Variants in CPO observed in about 807,000 individuals in gnomAD.
The protein encoded by CPO is metallocarboxypeptidase C.
Under a neutral mutation model 41.2 loss-of-function variants are expected in CPO, and 43 were observed. That is an observed-to-expected ratio of 1.04 (90% CI 0.82 to 1.35). The LOEUF is 1.35. Ranked by LOEUF, CPO falls within the 40% of genes most tolerant of loss-of-function variation. The pLI, the probability that CPO is intolerant of heterozygous loss-of-function variation, is 0.00. For synonymous variants in CPO, 178 were observed against 162.7 expected (o/e 1.09, Z -0.72); for missense variants, 408 against 451.7 (o/e 0.90, Z 0.88).
intron 4 of CPO, 89 bp downstream of exon 4, chr2:206,958,494 CAT>C (rs1693415618): frequency 1.5e-6 from 1 of 680,644 alleles, no homozygotes. Flanking sequence ...GCTTCTTTCA[CAT>C]GTTAGTGATG....
At chr2:206,947,820 T>C (rs1693174399) in intron 1 of CPO, among the ~76,000 whole-genome samples, 1 of 152,116 alleles carries the variant, frequency 6.6e-6, no homozygotes, top group Non-Finnish European at 1.5e-5. Flanking sequence ...CATATGTCAC[T>C]AGGGAATCAC....
chr2:206,958,345 C>T lies in CPO; in HGVS notation c.312C>T (p.Asp104=). ...SGNPKKIIWM[D]CGIHAREWIA... Reference sequence around the variant, plus strand: ...ATCCCAAGAAAATCATTTGGATGGACTGTGGAATTCACGCCAGAGAATGGA... The same window carrying T: ...ATCCCAAGAAAATCATTTGGATGGATTGTGGAATTCACGCCAGAGAATGGA... The change falls in exon 4 of 9, where the codon GAC becomes GAT. Residue 104 remains aspartate (D), a synonymous_variant. Coordinates refer to ENST00000272852, the MANE Select transcript of CPO (RefSeq NM_173077.3). 6.2e-7 allele frequency: 1 copy of T among 1,601,900 alleles called. No homozygotes were observed. Among genetic ancestry groups the T allele is most frequent in the South Asian group, 1.1e-5 (1 of 88,636 alleles).
At chr2:206,943,667 AGATAGAT>A (rs1326646972) in intron 1 of CPO, among the ~76,000 whole-genome samples, 1 of 124,712 alleles carries the variant, frequency 8.0e-6, no homozygotes, top group Non-Finnish European at 1.8e-5. Context: ...AAATGAAGAT[AGATAGAT>A]GATAGATAGA....
At chr2:206,947,665 G>A (rs562204522) in intron 1 of CPO, among the ~76,000 whole-genome samples, 1 of 152,222 alleles carries the variant, frequency 6.6e-6, no homozygotes, top group African/African-American at 2.4e-5. Flanking sequence ...ATAAAGGACT[G>A]TTATCCAAAA....
intron 7 of CPO, among the ~76,000 whole-genome samples, chr2:206,967,613 T>TAGAGGCTGAGGAATGTAGGG (rs1373841762): frequency 6.6e-6 from 1 of 151,976 alleles, no homozygotes; most frequent in Non-Finnish European, 1.5e-5. Context: ...TGAGGAAAGA[T>TAGAGGCTGAGGAATGTAGGG]AGAGGCTGAG....
At chr2:206,965,581 A>T (rs1693557523) in intron 7 of CPO, among the ~76,000 whole-genome samples, 1 of 152,138 alleles carries the variant, frequency 6.6e-6, no homozygotes, top group Non-Finnish European at 1.5e-5. Context: ...TTACATGCTT[A>T]CATTCTTTCC....
intron 7 of CPO, among the ~76,000 whole-genome samples, chr2:206,967,352 G>GCTCT (rs1693598295): frequency 8.4e-6 from 1 of 118,438 alleles, no homozygotes; most frequent in African/African-American, 3.4e-5. Flanking sequence ...TATATATATA[G>GCTCT]ATATATAGAT....
chr2:206,950,931 GGGGT>G (rs1223178582), intron 2 of CPO, among the ~76,000 whole-genome samples: 3 of 151,930 alleles, frequency 2.0e-5, no homozygotes, highest in African/African-American at 7.3e-5. Flanking sequence ...AGTTGTGGGT[GGGGT>G]GGGGGCCTGG....
intron 3 of CPO, among the ~76,000 whole-genome samples, chr2:206,957,375 C>CAA (rs201057516): frequency 9.8e-6 from 1 of 101,542 alleles, no homozygotes; most frequent in African/African-American, 4.2e-5. Context: ...GACTCTGTCT[C>CAA]AAAAAAAAAA....
At chr2:206,943,690 AGATAGATAGATAGATAGATAGATAGATG>A (rs1559068270) in intron 1 of CPO, among the ~76,000 whole-genome samples, 1 of 103,986 alleles carries the variant, frequency 9.6e-6, no homozygotes, top group African/African-American at 3.7e-5. Context: ...ATAGATAGAT[AGATAGATAGATAGATAGATAGATAGATG>A]ATGGATAGAT....
chr2:206,962,524 T>G lies in CPO; in HGVS notation c.687T>G (p.Ile229Met), dbSNP rs1400482454. ...TCATAGAGAGCAAGAAGGATGATAT[T>G]TTGTGCTTCCTGACCATGCACTCTT... is the stretch of plus-strand genomic sequence containing the variant. ...ASFIESKKDD[I>M]LCFLTMHSYG... The change falls in exon 7 of 9, where the codon ATT (isoleucine) becomes ATG (methionine). Residue 229 changes from isoleucine (I) to methionine (M), a missense_variant. Ile to Met is a conservative substitution (Grantham distance 10). Transcript: ENST00000272852. 5 of 1,614,052 alleles carry G rather than the reference T, an allele frequency of 3.1e-6. No homozygotes were observed. In the South Asian group the frequency reaches 4.4e-5, roughly 14 times the overall value.
At chr2:206,949,523 C>T in intron 1 of CPO, 94 bp from the exon 2 acceptor site, 1 of 837,522 alleles carries the variant, frequency 1.2e-6, no homozygotes, top group Non-Finnish European at 2.0e-6. Context: ...AAGTCCTGTG[C>T]ACACTGATTC....
rs777625146 is a variant in CPO, at chr2:206,969,312, T to C, written c.1001T>C (p.Met334Thr). 29 of 1,614,078 alleles carry C rather than the reference T, an allele frequency of 1.8e-5. No individual in the cohort carries two copies. In the South Asian group the frequency reaches 2.9e-4, roughly 16 times the overall value. ...AQIQPTCEETMEAVLSVLDDV... is the reference protein window; with the variant it reads ...AQIQPTCEETTEAVLSVLDDV... The stretch of plus-strand genomic sequence containing the variant: ...ATCCAGCCCACCTGTGAGGAGACCA[T>C]GGAGGCTGTGCTGTCAGTCCTGGAT... The change falls in exon 9 of 9, where the codon ATG (methionine) becomes ACG (threonine). Residue 334 changes from methionine (M) to threonine (T), a missense_variant. Transcript: ENST00000272852.
chr2:206,943,602 C>T, intron 1 of CPO, among the ~76,000 whole-genome samples: 1 of 63,072 alleles, frequency 1.6e-5, no homozygotes, highest in South Asian at 3.5e-4. Flanking sequence ...ACAAAGTCTT[C>T]AGGAAAAAAA....
At chr2:206,953,293 CA>C (rs1294701551) in intron 2 of CPO, among the ~76,000 whole-genome samples, 1 of 152,100 alleles carries the variant, frequency 6.6e-6, no homozygotes, top group Non-Finnish European at 1.5e-5. Flanking sequence ...CCTGTAAAAT[CA>C]AAAGCAAGTT....
chr2:206,963,044 C>G (rs1292299069), intron 7 of CPO, among the ~76,000 whole-genome samples: 2 of 152,220 alleles, frequency 1.3e-5, no homozygotes, highest in Admixed American at 1.3e-4. Flanking sequence ...TATCTGCTCT[C>G]TTCTCTGCTA....
chr2:206,962,213 C>A (rs1023123904), intron 6 of CPO, among the ~76,000 whole-genome samples, 199 bp from the exon 7 acceptor site: 1 of 151,890 alleles, frequency 6.6e-6, no homozygotes, highest in African/African-American at 2.4e-5. Context: ...TTATCCCTTT[C>A]TGCTATTCTG....
In CPO at chr2:206,943,751, TAG is replaced by T. The variant is rs1234423457; in HGVS notation, c.68+4086_68+4087del. ...GATGATAGATAGATAGATAGATAGA[TAG>T]ATAGATAGATAGATAGATAGATAGA... On this transcript the variant is annotated intron_variant, in intron 1 of 8. Transcript: ENST00000272852. 2.6e-4 allele frequency among the ~76,000 whole-genome samples: 40 copies of T among 151,028 alleles called. 1 individual carries two copies. Among genetic ancestry groups the T allele is most frequent in the Admixed American group, 1.7e-3 (25 of 15,124 alleles).
chr2:206,960,713 CA>C, intron 5 of CPO, 138 bp from the exon 6 acceptor site: 1 of 682,240 alleles, frequency 1.5e-6, no homozygotes, highest in South Asian at 1.8e-5. Flanking sequence ...ATTACACACA[CA>C]AGCTGCCTAA....
Sources: allele counts gnomAD v4.1 joint callset (sites outside exome capture counted in the v4.1 genomes callset), GRCh38; gene constraint gnomAD v4.1.1; transcripts MANE v1.5; gene names NCBI Gene and HGNC (gene_info 2026-07-23, HGNC 2026-07-21).